Variants in SREK1IP1 observed in about 807,000 individuals in gnomAD.
SREK1IP1 encodes the protein SREK1 interacting protein 1.
In SREK1IP1, 12 loss-of-function variants were observed where a neutral mutation model predicts 22.8. The ratio of observed to expected loss-of-function variants is 0.53; its 90% CI spans 0.34 to 0.85. SREK1IP1 has a LOEUF of 0.85. Among genes scored for constraint, SREK1IP1 ranks in the 40% least tolerant of loss-of-function variants. The pLI is 0.02. For synonymous variants in SREK1IP1, 53 were observed against 52.7 expected, an observed-to-expected ratio of 1.01 and a Z score of -0.02; for missense variants, 147 against 171.8, an observed-to-expected ratio of 0.86 and a Z score of 0.81.
chr5:64,759,353 G>A (rs1002714522), intron 1 of SREK1IP1, among the ~76,000 whole-genome samples: 2 of 152,128 alleles, frequency 1.3e-5, no homozygotes, highest in Non-Finnish European at 2.9e-5. Flanking sequence ...TCCTTACTCA[G>A]CTAAGTTACC....
chr5:64,735,131 T>C (rs1301437924), intron 3 of SREK1IP1, among the ~76,000 whole-genome samples: 1 of 149,852 alleles, frequency 6.7e-6, no homozygotes, highest in Non-Finnish European at 1.5e-5. Context: ...ATGGACTTGC[T>C]GAATAATTTT....
intron 3 of SREK1IP1, among the ~76,000 whole-genome samples, chr5:64,732,499 AG>A (rs1241803690): frequency 1.3e-5 from 2 of 152,210 alleles, no homozygotes; most frequent in Non-Finnish European, 1.5e-5. Context: ...AGTATATAAA[AG>A]ATGTATAGGA....
chr5:64,726,372 G>A (rs949959036), intron 4 of SREK1IP1, among the ~76,000 whole-genome samples: 3 of 151,832 alleles, frequency 2.0e-5, no homozygotes, highest in Non-Finnish European at 2.9e-5. Context: ...TCAGGAGATT[G>A]AGACCATCCT....
In SREK1IP1 at chr5:64,723,265, T is replaced by G. The variant is rs1249294565; in HGVS notation, c.*1119A>C. 6.6e-6 allele frequency: 1 copy of G among 152,202 alleles called. No individual in the cohort carries two copies. The highest frequency in any genetic ancestry group is 1.5e-5 in the Non-Finnish European group (1 of 68,016). The allele number at this position is 152,202 out of a possible 1,614,324, so 9.4% of individuals were successfully genotyped here. A position where few individuals can be genotyped will look rare whatever the true frequency, so the allele number is the denominator to read the frequency against. Reference sequence around the variant, plus strand: ...GATGCAACTCCCTGGCTCTTAAATTTTAAAAAGTACAGAATAAAATTCTCA... The same window carrying G: ...GATGCAACTCCCTGGCTCTTAAATTGTAAAAAGTACAGAATAAAATTCTCA... On this transcript the variant is annotated 3_prime_UTR_variant, in exon 5 of 5. Transcript: ENST00000513458.
At chr5:64,749,309 CA>C in intron 2 of SREK1IP1, among the ~76,000 whole-genome samples, 1 of 152,106 alleles carries the variant, frequency 6.6e-6, no homozygotes, top group Non-Finnish European at 1.5e-5. Flanking sequence ...TGAGAACACA[CA>C]AGCTATTTTA....
At position 64,730,823 on chromosome 5, in the gene SREK1IP1, G is replaced by C. The variant is rs975973685; in HGVS notation, c.206-2644C>G. Among the ~76,000 whole-genome samples, 9 of 152,314 alleles carry C rather than the reference G, an allele frequency of 5.9e-5. No individual in the cohort carries two copies. The East Asian group carries it at 1.5e-3, about 26-fold the overall frequency. On this transcript the variant is annotated intron_variant, in intron 3 of 4. Coordinates refer to ENST00000513458, the MANE Select transcript of SREK1IP1 (RefSeq NM_173829.4). ...TCTGCCTCTTCACCTTTGCACTGCT[G>C]TAAGGGGATCAGCATAGAGAAGGCA...
chr5:64,718,411 A>AG lies in SREK1IP1; in HGVS notation c.*5972_*5973insC, dbSNP rs1742092529. ...TCTTATGAGATGGTACTGGATAGGTAAATATCAAGGGAACTGTCTTAAAAA... is the reference window on the plus strand; with the variant it reads ...TCTTATGAGATGGTACTGGATAGGTAGAATATCAAGGGAACTGTCTTAAAAA... On this transcript the variant is annotated 3_prime_UTR_variant, in exon 5 of 5. Coordinates refer to ENST00000513458, the MANE Select transcript of SREK1IP1 (RefSeq NM_173829.4). The AG allele has an allele frequency of 6.5e-6, 1 of 154,866 alleles. No homozygotes were observed. Among genetic ancestry groups the AG allele is most frequent in the African/African-American group, 2.4e-5 (1 of 41,510 alleles). 9.6% of individuals were successfully genotyped at this position (154,866 alleles called of 1,614,324 possible). A position where few individuals can be genotyped will look rare whatever the true frequency, so the allele number is the denominator to read the frequency against.
chr5:64,744,384 T>C (rs1742598113), intron 2 of SREK1IP1, among the ~76,000 whole-genome samples: 1 of 152,166 alleles, frequency 6.6e-6, no homozygotes, highest in Non-Finnish European at 1.5e-5. Flanking sequence ...TTTTAATAAA[T>C]GTCTACTCCT....
intron 3 of SREK1IP1, among the ~76,000 whole-genome samples, chr5:64,730,669 A>G (rs922313666): frequency 3.3e-5 from 5 of 152,200 alleles, no homozygotes; most frequent in African/African-American, 1.2e-4. Context: ...TATTTTGTCA[A>G]TGAAAGAGGG....
Position 64,724,239 on chromosome 5 carries a change from G to A in SREK1IP1, c.*145C>T, listed in dbSNP as rs1010695082. On this transcript the variant is annotated 3_prime_UTR_variant, in exon 5 of 5. Coordinates refer to ENST00000513458, the MANE Select transcript of SREK1IP1 (RefSeq NM_173829.4). ...AGCACATTAAAAATATATTGCCAGA[G>A]GGATAATGGTCCCAAATACGAAAAA... is the stretch of plus-strand genomic sequence containing the variant. 6.1e-6 allele frequency: 4 copies of A among 657,444 alleles called. No individual in the cohort carries two copies. Among genetic ancestry groups the A allele is most frequent in the Non-Finnish European group, 2.5e-6 (1 of 394,580 alleles). 40.7% of individuals were successfully genotyped at this position (657,444 alleles called of 1,614,324 possible). A position where few individuals can be genotyped will look rare whatever the true frequency, so the allele number is the denominator to read the frequency against.
chr5:64,735,161 T>A (rs536313348), intron 3 of SREK1IP1, among the ~76,000 whole-genome samples: 1 of 115,048 alleles, frequency 8.7e-6, no homozygotes, highest in African/African-American at 5.3e-5. Flanking sequence ...ATTGTGACAA[T>A]GTTTTTTTTT....
At chr5:64,740,999 T>C (rs1742541952) in intron 3 of SREK1IP1, 58 bp downstream of exon 3, 4 of 1,465,792 alleles carry the variant, frequency 2.7e-6, no homozygotes, top group Non-Finnish European at 3.8e-6. Flanking sequence ...GAAAGCATGA[T>C]ATAATATGAC....
intron 3 of SREK1IP1, among the ~76,000 whole-genome samples, chr5:64,729,465 T>G (rs1386394548): frequency 2.0e-5 from 3 of 152,038 alleles, no homozygotes; most frequent in African/African-American, 7.2e-5. Flanking sequence ...TGAACATGAA[T>G]GAGAACAGAT....
intron 1 of SREK1IP1, among the ~76,000 whole-genome samples, chr5:64,755,365 T>A (rs1021319899): frequency 7.2e-5 from 11 of 152,190 alleles, no homozygotes; most frequent in Non-Finnish European, 1.5e-4. Context: ...CACTATGGAA[T>A]ACTATGAAGC....
At chr5:64,736,714 C>T (rs927855848) in intron 3 of SREK1IP1, among the ~76,000 whole-genome samples, 1 of 152,008 alleles carries the variant, frequency 6.6e-6, no homozygotes, top group Admixed American at 6.5e-5. Flanking sequence ...CCGCCTACCT[C>T]GGCCTCCCAA....
intron 3 of SREK1IP1, among the ~76,000 whole-genome samples, chr5:64,733,091 GA>G (rs777516654): frequency 1.8e-3 from 261 of 147,282 alleles, no homozygotes; most frequent in African/African-American, 5.1e-3. Flanking sequence ...AAAACTTTTA[GA>G]AAAAAAAAAG....
intron 4 of SREK1IP1, among the ~76,000 whole-genome samples, chr5:64,726,983 C>T (rs544892304): frequency 6.6e-6 from 1 of 152,252 alleles, no homozygotes; most frequent in African/African-American, 2.4e-5. Context: ...AATCCATCTT[C>T]CTGTGCTAGA....
In SREK1IP1 at chr5:64,722,291, CATT is replaced by C. The variant is rs1260918341; in HGVS notation, c.*2090_*2092del. The C allele has an allele frequency of 4.6e-5, 7 of 152,072 alleles. No individual in the cohort carries two copies. Among genetic ancestry groups the C allele is most frequent in the Non-Finnish European group, 8.8e-5 (6 of 67,992 alleles). The allele number at this position is 152,072 out of a possible 1,614,324, so 9.4% of individuals were successfully genotyped here. A position where few individuals can be genotyped will look rare whatever the true frequency, so the allele number is the denominator to read the frequency against. ...AGGACTGACTTTTGCTCTTCTCAGT[CATT>C]ATTGTGTCACCATTCAGAAACCTAA... is the stretch of plus-strand genomic sequence containing the variant. On this transcript the variant is annotated 3_prime_UTR_variant, in exon 5 of 5. Transcript: ENST00000513458.
Position 64,753,444 on chromosome 5 carries a change from TATATATGC to T in SREK1IP1, c.61+863_61+870del, listed in dbSNP as rs879907908. On this transcript the variant is annotated intron_variant, in intron 2 of 4. Coordinates refer to ENST00000513458, the MANE Select transcript of SREK1IP1 (RefSeq NM_173829.4). The stretch of plus-strand genomic sequence containing the variant: ...CATTTATGTGAGTGATATATATAGT[TATATATGC>T]AATTTTGCTACTTGAGCAAGCTTCC... Among the ~76,000 whole-genome samples the T allele has an allele frequency of 8.5e-5, 13 of 152,326 alleles. No individual in the cohort carries two copies. The Middle Eastern group carries it at 0.01, about 120-fold the overall frequency.
Sources: gnomAD v4.1 joint callset for allele counts (sites outside exome capture counted in the v4.1 genomes callset) on GRCh38, gnomAD v4.1.1 for gene constraint, MANE v1.5 for transcripts, NCBI Gene and HGNC (gene_info 2026-07-23, HGNC 2026-07-21) for gene names.